The following MPPED1 variants were observed in gnomAD, a reference collection of about 807,000 sequenced individuals.
MPPED1 encodes metallophosphoesterase domain containing 1, also known as metallophosphoesterase domain-containing protein 1.
Under a neutral mutation model 36.2 loss-of-function variants are expected in MPPED1, and 16 were observed. The ratio of observed to expected loss-of-function variants is 0.44; its 90% confidence interval spans 0.30 to 0.67. The LOEUF is 0.67. Among genes scored for constraint, MPPED1 ranks in the 30% least tolerant of loss-of-function variants. The pLI is 0.10. For synonymous variants in MPPED1, 199 were observed against 191.3 expected (o/e 1.04, Z -0.33); for missense variants, 307 against 453.4 (o/e 0.68, Z 2.93).
intron 1 of MPPED1, chr22:43,417,851 T>C (rs1024521714): frequency 2.3e-5 from 8 of 355,300 alleles, no homozygotes; most frequent in Non-Finnish European, 3.9e-5. Context: ...TCGCTCCTAC[T>C]CTCAGTTAAA....
rs1237640049 is a variant in MPPED1, at chr22:43,505,442, C to G, written c.863-56C>G. ...AGTGCCCTATGACTGCCACACCCCC[C>G]TGGCCACCCTCACTACTCTGGCTGC... On this transcript the variant is annotated intron_variant, in intron 6 of 6. Coordinates refer to ENST00000443721, the MANE Select transcript of MPPED1 (RefSeq NM_001044370.2). The G allele has an allele frequency of 6.6e-6, 10 of 1,507,772 alleles. No individual in the cohort carries two copies. In the Admixed American group the frequency reaches 1.8e-4, roughly 26 times the overall value. 93.4% of individuals were successfully genotyped at this position (1,507,772 alleles called of 1,614,324 possible). A position where few individuals can be genotyped will look rare whatever the true frequency, so the allele number is the denominator to read the frequency against.
chr22:43,501,610 C>CAGAAGTGA, intron 5 of MPPED1, among the ~76,000 whole-genome samples: 1 of 152,308 alleles, frequency 6.6e-6, no homozygotes, highest in East Asian at 1.9e-4. Context: ...ACACACACTC[C>CAGAAGTGA]AGAAGTGAAG....
intron 4 of MPPED1, among the ~76,000 whole-genome samples, chr22:43,482,818 G>A (rs572157306): frequency 2.0e-4 from 31 of 152,342 alleles, no homozygotes; most frequent in African/African-American, 7.0e-4. Flanking sequence ...TCGTGGCACT[G>A]GCCTTTGACG....
intron 4 of MPPED1, 70 bp from the exon 5 acceptor site, chr22:43,498,165 G>C: frequency 3.9e-6 from 5 of 1,267,364 alleles, no homozygotes; most frequent in Non-Finnish European, 5.5e-6. Context: ...CCCGTGGGGA[G>C]CTCCGCATTC....
At chr22:43,460,900 C>T (rs183971770) in intron 3 of MPPED1, among the ~76,000 whole-genome samples, 11 of 152,274 alleles carry the variant, frequency 7.2e-5, no homozygotes, top group Admixed American at 5.9e-4. Flanking sequence ...CTGTGGATGC[C>T]TCATTCTCCA....
chr22:43,422,019 A>G (rs1929290033), intron 1 of MPPED1, among the ~76,000 whole-genome samples: 1 of 152,054 alleles, frequency 6.6e-6, no homozygotes, highest in African/African-American at 2.4e-5. Context: ...GAGCTGACAC[A>G]TGGGGTGCAC....
intron 1 of MPPED1, among the ~76,000 whole-genome samples, chr22:43,421,934 C>T (rs1369770508): frequency 1.3e-5 from 2 of 152,210 alleles, no homozygotes; most frequent in Non-Finnish European, 2.9e-5. Flanking sequence ...GTTTTTCTTT[C>T]CATTTTGTAG....
intron 4 of MPPED1, among the ~76,000 whole-genome samples, chr22:43,494,963 G>T (rs940264781): frequency 1.3e-5 from 2 of 152,182 alleles, no homozygotes; most frequent in Non-Finnish European, 2.9e-5. Context: ...TAAGGGCACT[G>T]ATCCTATTTG....
chr22:43,473,791 C>A (rs923877561), intron 3 of MPPED1, among the ~76,000 whole-genome samples: 1 of 152,094 alleles, frequency 6.6e-6, no homozygotes, highest in African/African-American at 2.4e-5. Context: ...GTGGGTGAGG[C>A]CTGCCGGGCA....
intron 2 of MPPED1, among the ~76,000 whole-genome samples, chr22:43,427,200 A>C (rs1929508491): frequency 6.6e-6 from 1 of 152,184 alleles, no homozygotes; most frequent in African/African-American, 2.4e-5. Context: ...TGGGCCAGGC[A>C]CACACTTAGG....
At chr22:43,450,492 C>A (rs140567657) in intron 3 of MPPED1, among the ~76,000 whole-genome samples, 1 of 152,234 alleles carries the variant, frequency 6.6e-6, no homozygotes, top group African/African-American at 2.4e-5. Context: ...CTCTTCCCAG[C>A]CATATGGCCT....
At chr22:43,448,473 A>G (rs925777533) in intron 3 of MPPED1, among the ~76,000 whole-genome samples, 3 of 152,220 alleles carry the variant, frequency 2.0e-5, no homozygotes, top group Non-Finnish European at 4.4e-5. Context: ...TCTGCTTTGC[A>G]GGTGCAAAAG....
intron 4 of MPPED1, among the ~76,000 whole-genome samples, chr22:43,494,694 A>G (rs1343924510): frequency 2.2e-5 from 3 of 136,812 alleles, no homozygotes; most frequent in Non-Finnish European, 4.7e-5. Flanking sequence ...TTTGATTCAC[A>G]GTGGTGGTGG....
In MPPED1 at chr22:43,474,652, G is replaced by A; in HGVS notation, c.407-84G>A. Reference sequence around the variant, plus strand: ...CCAGGAGTTCATGCAGCTTCCTCCTGCCCGCCCCTCTCTCAGCCGTGCTGT... The same window carrying A: ...CCAGGAGTTCATGCAGCTTCCTCCTACCCGCCCCTCTCTCAGCCGTGCTGT... On this transcript the variant is annotated intron_variant, in intron 3 of 6. Coordinates refer to ENST00000443721, the MANE Select transcript of MPPED1 (RefSeq NM_001044370.2). This position sits in a 1 kb window ranked among gnomAD's most constrained non-coding sequence, Gnocchi z 5.2. 2 of 1,556,756 alleles carry A rather than the reference G, an allele frequency of 1.3e-6. No homozygotes were observed. Among genetic ancestry groups the A allele is most frequent in the Non-Finnish European group, 8.8e-7 (1 of 1,136,696 alleles).
At chr22:43,505,418 G>A (rs1020808206) in intron 6 of MPPED1, 80 bp from the exon 7 acceptor site, 3 of 1,267,058 alleles carry the variant, frequency 2.4e-6, no homozygotes, top group Non-Finnish European at 3.3e-6. Flanking sequence ...CAGGGGCTGA[G>A]TGCCCTATGA....
chr22:43,484,239 C>A (rs1464089116), intron 4 of MPPED1, among the ~76,000 whole-genome samples: 1 of 152,224 alleles, frequency 6.6e-6, no homozygotes, highest in African/African-American at 2.4e-5. Context: ...CCGACTGCCC[C>A]GTGTATTGTC....
intron 3 of MPPED1, among the ~76,000 whole-genome samples, chr22:43,458,829 T>G (rs1930845639): frequency 6.6e-6 from 1 of 152,238 alleles, no homozygotes; most frequent in Non-Finnish European, 1.5e-5. Flanking sequence ...CAGTCCTTCT[T>G]CCTAGCGTTT....
chr22:43,475,631 GTGA>G (rs1292734966), intron 4 of MPPED1, among the ~76,000 whole-genome samples: 1 of 110,032 alleles, frequency 9.1e-6, no homozygotes, highest in Non-Finnish European at 1.9e-5. Flanking sequence ...GATGATGGTG[GTGA>G]TGATCGTCAT....
intron 1 of MPPED1, among the ~76,000 whole-genome samples, chr22:43,424,347 G>C (rs73889266): frequency 0.026 from 3,894 of 152,224 alleles, 187 homozygotes; most frequent in African/African-American, 0.089. Flanking sequence ...ACCACTAAAA[G>C]ATATCTTTAG....
Sources: allele counts gnomAD v4.1 joint callset (sites outside exome capture counted in the v4.1 genomes callset), GRCh38; gene constraint gnomAD v4.1.1; non-coding constraint Gnocchi (gnomAD v3.1); transcripts MANE v1.5; gene names NCBI Gene and HGNC (gene_info 2026-07-23, HGNC 2026-07-21).